RBFOX3: variants seen among roughly 807,000 people sequenced by gnomAD.
RBFOX3 encodes the protein RNA binding fox-1 homolog 3, also known as RNA binding protein fox-1 homolog 3.
In RBFOX3, 17 loss-of-function variants were observed where a neutral mutation model predicts 48.7. The ratio of observed to expected loss-of-function variants is 0.35; its 90% CI spans 0.24 to 0.52. The LOEUF (loss-of-function observed/expected upper bound fraction) is 0.52, where lower values mean the gene tolerates loss of function less well. Ranked by LOEUF, RBFOX3 falls within the 20% of genes least tolerant of loss-of-function variation. The pLI, the probability that RBFOX3 is intolerant of heterozygous loss-of-function variation, is 0.94. For synonymous variants in RBFOX3, 212 were observed against 209.5 expected (o/e 1.01, Z -0.10); for missense variants, 382 against 497.5 (o/e 0.77, Z 2.21).
chr17:79,096,914 G>T, intron 11 of RBFOX3, 81 bp from the exon 12 acceptor site: 1 of 609,844 alleles, frequency 1.6e-6, no homozygotes, highest in South Asian at 1.9e-5. Context: ...TAGCCCACCC[G>T]ACCCCAGGCA....
intron 2 of RBFOX3, among the ~76,000 whole-genome samples, chr17:79,460,051 A>G (rs2075169119): frequency 6.6e-6 from 1 of 152,168 alleles, no homozygotes; most frequent in Admixed American, 6.5e-5. Flanking sequence ...CACTCAGAAC[A>G]GGCAAATCCA....
chr17:79,179,523 C>T (rs1220746192), intron 4 of RBFOX3, among the ~76,000 whole-genome samples: 2 of 152,202 alleles, frequency 1.3e-5, no homozygotes, highest in East Asian at 3.9e-4. Context: ...CAGTCCCTCT[C>T]CCCCGGCCAG....
intron 2 of RBFOX3, among the ~76,000 whole-genome samples, chr17:79,441,743 A>C (rs964059686): frequency 1.3e-5 from 2 of 152,052 alleles, no homozygotes; most frequent in Non-Finnish European, 2.9e-5. Flanking sequence ...CTGGGAAATG[A>C]GGGTGGAGCC....
chr17:79,161,202 G>C (rs1030675187), intron 4 of RBFOX3, among the ~76,000 whole-genome samples: 1 of 152,178 alleles, frequency 6.6e-6, no homozygotes, highest in Non-Finnish European at 1.5e-5. Flanking sequence ...CCTGGAGGAG[G>C]TGGCCCAGCT....
At chr17:79,414,138 AG>A (rs2064927179) in intron 2 of RBFOX3, among the ~76,000 whole-genome samples, 1 of 151,998 alleles carries the variant, frequency 6.6e-6, no homozygotes, top group Non-Finnish European at 1.5e-5. Flanking sequence ...CAGGTTCTCA[AG>A]GGCCCTCCTG....
intron 2 of RBFOX3, among the ~76,000 whole-genome samples, chr17:79,389,112 T>C (rs1296388602): frequency 1.3e-5 from 2 of 151,976 alleles, no homozygotes; most frequent in Admixed American, 6.6e-5. Context: ...GGGGGCGGTG[T>C]GGCAAGCACC....
In RBFOX3 at chr17:79,090,833, GTT is replaced by G; in HGVS notation, c.*48_*49del. On this transcript the variant is annotated 3_prime_UTR_variant, in exon 15 of 15. Coordinates refer to ENST00000693108, the MANE Select transcript of RBFOX3 (RefSeq NM_001350451.2). Reference sequence around the variant, plus strand: ...TTTTTTTTGTTTTGTGATTTTTTTTGTTTTTTTGTTTTTGCCCTTCATGGTCC... The same window carrying G: ...TTTTTTTTGTTTTGTGATTTTTTTTGTTTTTGTTTTTGCCCTTCATGGTCC... 1.4e-6 allele frequency: 2 copies of G among 1,468,784 alleles called. No homozygotes were observed. The highest frequency in any genetic ancestry group is 1.8e-6 in the Non-Finnish European group (2 of 1,103,956). The allele number at this position is 1,468,784 out of a possible 1,614,324, so 91.0% of individuals were successfully genotyped here.
intron 2 of RBFOX3, among the ~76,000 whole-genome samples, chr17:79,331,200 T>C (rs2080231243): frequency 6.6e-6 from 1 of 152,192 alleles, no homozygotes. Context: ...CCTCATGGAC[T>C]TCAAGCCCTG....
At chr17:79,446,194 T>C (rs1366798160) in intron 2 of RBFOX3, among the ~76,000 whole-genome samples, 1 of 152,136 alleles carries the variant, frequency 6.6e-6, no homozygotes, top group Non-Finnish European at 1.5e-5. Flanking sequence ...GCCCTAGAGA[T>C]GGTCAGGAGC....
chr17:79,180,894 T>C (rs2051767883), intron 4 of RBFOX3, among the ~76,000 whole-genome samples: 1 of 152,160 alleles, frequency 6.6e-6, no homozygotes, highest in Non-Finnish European at 1.5e-5. Context: ...GGGATGGCTA[T>C]GGCTCCGTGG....
chr17:79,499,552 G>A (rs1428216553), intron 1 of RBFOX3, among the ~76,000 whole-genome samples: 1 of 152,244 alleles, frequency 6.6e-6, no homozygotes, highest in East Asian at 1.9e-4. Flanking sequence ...TTGGAGGTCA[G>A]TACTACAAAG....
rs1046012559 is a variant in RBFOX3, at chr17:79,128,587, C to T, written c.-33-12839G>A. ...CTCCTAACTCCAAGGTCTGTGGTTC[C>T]GGCTGGACTGGGAGAGTGAGCATCC... On this transcript the variant is annotated intron_variant, in intron 4 of 14. Coordinates refer to ENST00000693108, the MANE Select transcript of RBFOX3 (RefSeq NM_001350451.2). 6.6e-5 allele frequency among the ~76,000 whole-genome samples: 10 copies of T among 152,180 alleles called. No individual in the cohort carries two copies. The East Asian group carries it at 1.2e-3, about 18-fold the overall frequency.
At chr17:79,317,539 G>A (rs943665349) in intron 2 of RBFOX3, among the ~76,000 whole-genome samples, 4 of 152,224 alleles carry the variant, frequency 2.6e-5, no homozygotes, top group Non-Finnish European at 5.9e-5. Flanking sequence ...TCCTGAGCAG[G>A]CACTGGCAGC....
intron 2 of RBFOX3, among the ~76,000 whole-genome samples, chr17:79,462,853 CG>C (rs1208467932): frequency 2.6e-5 from 4 of 152,182 alleles, no homozygotes; most frequent in African/African-American, 9.7e-5. Context: ...CCAGACACAG[CG>C]GTTATCTGAC....
the RBFOX3 span, among the ~76,000 whole-genome samples, chr17:79,640,720 T>C: frequency 6.6e-6 from 1 of 152,278 alleles, no homozygotes; most frequent in Admixed American, 6.5e-5. Context: ...ATCTCTTTAA[T>C]AACTGGTGTT....
At chr17:79,130,854 C>A (rs1410433649) in intron 4 of RBFOX3, among the ~76,000 whole-genome samples, 2 of 152,260 alleles carry the variant, frequency 1.3e-5, no homozygotes, top group Non-Finnish European at 2.9e-5. Context: ...GGGACCTGGC[C>A]CAAGCCTCAA....
intron 2 of RBFOX3, among the ~76,000 whole-genome samples, chr17:79,404,373 A>G (rs1188483624): frequency 1.3e-5 from 2 of 152,134 alleles, no homozygotes; most frequent in East Asian, 3.9e-4. Flanking sequence ...TGAGGGATGC[A>G]AGGAGTTGGG....
intron 4 of RBFOX3, among the ~76,000 whole-genome samples, chr17:79,165,686 C>T (rs530896690): frequency 5.5e-4 from 84 of 152,378 alleles, no homozygotes; most frequent in Non-Finnish European, 1.1e-3. Context: ...CAGACACGAT[C>T]TTCAGACCTG....
chr17:79,348,145 C>T (rs2083217231), intron 2 of RBFOX3, among the ~76,000 whole-genome samples: 1 of 152,186 alleles, frequency 6.6e-6, no homozygotes. Context: ...AGTGCAGTCT[C>T]CTGGTCGTCT....
Sources: gnomAD v4.1 joint callset for allele counts (sites outside exome capture counted in the v4.1 genomes callset) on GRCh38, gnomAD v4.1.1 for gene constraint, MANE v1.5 for transcripts, NCBI Gene and HGNC (gene_info 2026-07-23, HGNC 2026-07-21) for gene names.